GAS7: variants seen among roughly 807,000 people sequenced by gnomAD.
GAS7 encodes growth arrest-specific protein 7.
In GAS7, 28 loss-of-function variants were observed where a neutral mutation model predicts 71.1. The ratio of observed to expected loss-of-function variants is 0.39; its 90% CI spans 0.29 to 0.54. The LOEUF (loss-of-function observed/expected upper bound fraction) is 0.54, where lower values mean the gene tolerates loss of function less well. Among genes scored for constraint, GAS7 ranks in the 20% least tolerant of loss-of-function variants. GAS7 has a pLI of 0.62. For missense variants in GAS7, 436 were observed against 627.8 expected, an observed-to-expected ratio of 0.69 and a Z score of 3.27; for synonymous variants, 258 against 245.8, an observed-to-expected ratio of 1.05 and a Z score of -0.46.
chr17:10,118,220 C>T (rs1021285048), intron 1 of GAS7, among the ~76,000 whole-genome samples: 3 of 152,156 alleles, frequency 2.0e-5, no homozygotes, highest in African/African-American at 7.2e-5. Flanking sequence ...CGCCTGAGCC[C>T]TCGGTTTCTC....
At chr17:9,991,272 C>T (rs1319685925) in intron 2 of GAS7, among the ~76,000 whole-genome samples, 15 of 152,278 alleles carry the variant, frequency 9.9e-5, no homozygotes, top group Non-Finnish European at 2.1e-4. Flanking sequence ...GGCTAGAATG[C>T]CTTCTTTAGC....
rs749156863 is a variant in GAS7, at chr17:9,959,239, G to A, written c.488C>T (p.Ser163Leu). 5 of 1,614,034 alleles carry A rather than the reference G, an allele frequency of 3.1e-6. No homozygotes were observed. Among genetic ancestry groups the A allele is most frequent in the East Asian group, 4.5e-5 (2 of 44,882 alleles). ...TTCCTTGCTCTGCTTTTTGCTTGGCGATGAGGATCCCAGGTTCTGGGGAGA... is the reference window on the plus strand; with the variant it reads ...TTCCTTGCTCTGCTTTTTGCTTGGCAATGAGGATCCCAGGTTCTGGGGAGA... ...TGDSQNLGSS[S>L]PSKKQSKENT... The change falls in exon 5 of 14, where the codon TCG becomes TTG. Residue 163 changes from serine to leucine, a missense_variant. Coordinates refer to ENST00000432992, the MANE Select transcript of GAS7 (RefSeq NM_201433.2). The surrounding 1 kb of genome is among the most constrained non-coding windows in gnomAD (Gnocchi z 5.0).
chr17:10,020,749 T>TA lies in GAS7; in HGVS notation c.184-853dup, dbSNP rs1404939920. Among the ~76,000 whole-genome samples, 8 of 152,088 alleles carry TA rather than the reference T, an allele frequency of 5.3e-5. No homozygotes were observed. The South Asian group carries it at 1.5e-3, about 28-fold the overall frequency. On this transcript the variant is annotated intron_variant, in intron 1 of 13. Transcript: ENST00000432992. ...CAACACGGTGAAACCCCACCTCTAC[T>TA]AAAAATACAAAAAATTAGCTAGGCG...
chr17:10,071,361 T>C (rs2073338053), intron 1 of GAS7, among the ~76,000 whole-genome samples: 1 of 152,112 alleles, frequency 6.6e-6, no homozygotes, highest in African/African-American at 2.4e-5. Context: ...GGATACATTA[T>C]TTTCCCAGAG....
chr17:10,052,669 C>T (rs1043269478), intron 1 of GAS7, among the ~76,000 whole-genome samples: 4 of 152,226 alleles, frequency 2.6e-5, no homozygotes, highest in African/African-American at 9.6e-5. Flanking sequence ...CCCTCACGCA[C>T]TCACGCTCAG....
chr17:10,063,396 T>C (rs2073241850), intron 1 of GAS7, among the ~76,000 whole-genome samples: 1 of 152,176 alleles, frequency 6.6e-6, no homozygotes. Context: ...TGAGGAAACC[T>C]CTTATTTAAC....
chr17:10,152,346 G>C (rs1443160965), intron 1 of GAS7, among the ~76,000 whole-genome samples: 2 of 152,208 alleles, frequency 1.3e-5, no homozygotes, highest in African/African-American at 2.4e-5. Flanking sequence ...ATTGAGGAAC[G>C]ATTCTGTGCT....
At chr17:10,132,286 G>A (rs1000597884) in intron 1 of GAS7, among the ~76,000 whole-genome samples, 3 of 137,798 alleles carry the variant, frequency 2.2e-5, no homozygotes, top group Non-Finnish European at 4.7e-5. Context: ...TTGCTCAGGT[G>A]ATGATAGCTG....
intron 2 of GAS7, among the ~76,000 whole-genome samples, chr17:10,003,416 C>T (rs113655523): frequency 1.3e-5 from 2 of 152,340 alleles, no homozygotes; most frequent in East Asian, 1.9e-4. Flanking sequence ...GCTTTTGCTC[C>T]GACCTTCCCA....
intron 1 of GAS7, among the ~76,000 whole-genome samples, chr17:10,093,200 C>A (rs539832445): frequency 1.3e-5 from 2 of 152,334 alleles, no homozygotes; most frequent in East Asian, 3.9e-4. Context: ...CAAGCCCCCA[C>A]TATCTCACCT....
Position 10,045,575 on chromosome 17 carries a change from T to A in GAS7, c.184-25678A>T, listed in dbSNP as rs1401628416. ...AGCTGAGTGTGGTGGTGGTCGCCTG[T>A]AATCCCAGCTACTCAGCAGGCTGAG... On this transcript the variant is annotated intron_variant, in intron 1 of 13. Coordinates refer to ENST00000432992, the MANE Select transcript of GAS7 (RefSeq NM_201433.2). Among the ~76,000 whole-genome samples, 2 of 152,040 alleles carry A rather than the reference T, an allele frequency of 1.3e-5. 1 individual carries two copies. Among genetic ancestry groups the A allele is most frequent in the East Asian group, 3.9e-4 (2 of 5,186 alleles).
chr17:10,137,051 T>C (rs1328574284), intron 1 of GAS7, among the ~76,000 whole-genome samples: 4 of 151,856 alleles, frequency 2.6e-5, no homozygotes, highest in African/African-American at 7.3e-5. Context: ...GAGGCAGAGG[T>C]TGCACTGAGC....
At chr17:9,992,938 C>G (rs915066325) in intron 2 of GAS7, among the ~76,000 whole-genome samples, 3 of 151,862 alleles carry the variant, frequency 2.0e-5, no homozygotes, top group African/African-American at 7.3e-5. Flanking sequence ...ATGAACTCAT[C>G]ATTTTTTATG....
At chr17:9,980,157 C>T (rs914450427) in intron 3 of GAS7, among the ~76,000 whole-genome samples, 4 of 152,170 alleles carry the variant, frequency 2.6e-5, no homozygotes, top group Non-Finnish European at 5.9e-5. Flanking sequence ...ACCTCTCCCA[C>T]GCCTCAGCTG....
intron 1 of GAS7, among the ~76,000 whole-genome samples, chr17:10,092,207 T>A (rs1050830449): frequency 6.6e-6 from 1 of 152,180 alleles, no homozygotes; most frequent in Non-Finnish European, 1.5e-5. Context: ...GGCTGCTCCC[T>A]CATTTCATTC....
At chr17:10,019,114 T>C (rs2072159431) in intron 2 of GAS7, among the ~76,000 whole-genome samples, 1 of 152,132 alleles carries the variant, frequency 6.6e-6, no homozygotes, top group African/African-American at 2.4e-5. Flanking sequence ...AGCAAACTTC[T>C]GGGGATCCTG....
chr17:9,977,863 C>T (rs1037071445), intron 3 of GAS7, among the ~76,000 whole-genome samples: 3 of 152,192 alleles, frequency 2.0e-5, no homozygotes, highest in South Asian at 2.1e-4. Context: ...TAAGAATGAA[C>T]CAGCTCTGTG....
At chr17:10,005,208 C>CGCACGCATGCATGT in intron 2 of GAS7, among the ~76,000 whole-genome samples, 1 of 104,330 alleles carries the variant, frequency 9.6e-6, no homozygotes, top group South Asian at 3.1e-4. Context: ...CATGTGTGTG[C>CGCACGCATGCATGT]ATGTGCGCGT....
At chr17:10,014,601 C>T (rs1380080855) in intron 2 of GAS7, among the ~76,000 whole-genome samples, 1 of 152,180 alleles carries the variant, frequency 6.6e-6, no homozygotes, top group East Asian at 1.9e-4. Flanking sequence ...GCTTGGAATG[C>T]CTGAGTCAAG....
Sources: gnomAD v4.1 joint callset for allele counts (sites outside exome capture counted in the v4.1 genomes callset) on GRCh38, gnomAD v4.1.1 for gene constraint, Gnocchi (gnomAD v3.1) non-coding constraint, MANE v1.5 for transcripts, NCBI Gene and HGNC (gene_info 2026-07-23, HGNC 2026-07-21) for gene names.